Variants in NDC80 observed in about 807,000 individuals in gnomAD.
The protein encoded by NDC80 is NDC80 kinetochore complex component.
Under a neutral mutation model 89.3 loss-of-function variants are expected in NDC80, and 69 were observed. That is an observed-to-expected ratio of 0.77 (90% confidence interval 0.64 to 0.94). The LOEUF is 0.94. Ranked by LOEUF, NDC80 falls within the 40% of genes least tolerant of loss-of-function variation. NDC80 has a pLI of 0.00. For missense variants in NDC80, 593 were observed against 739.6 expected, an observed-to-expected ratio of 0.80 and a Z score of 2.30; for synonymous variants, 243 against 255.6, an observed-to-expected ratio of 0.95 and a Z score of 0.47.
At chr18:2,606,546 C>A in intron 14 of NDC80, 39 bp downstream of exon 14, 1 of 1,369,902 alleles carries the variant, frequency 7.3e-7, no homozygotes, top group Non-Finnish European at 1.0e-6. Context: ...TTATCAAAAG[C>A]TATGTCATGA....
At chr18:2,597,426 C>T (rs2072662604) in intron 11 of NDC80, among the ~76,000 whole-genome samples, 1 of 152,110 alleles carries the variant, frequency 6.6e-6, no homozygotes, top group Admixed American at 6.6e-5. Context: ...TACTATCATT[C>T]TCTAAAAGAT....
chr18:2,606,326 A>G, intron 13 of NDC80, 89 bp from the exon 14 acceptor site: 2 of 739,414 alleles, frequency 2.7e-6, no homozygotes, highest in Non-Finnish European at 4.2e-6. Context: ...TTGTTCAGTT[A>G]GTTGATTGAT....
chr18:2,585,193 G>A lies in NDC80; in HGVS notation c.660G>A (p.Met220Ile). 6.2e-7 allele frequency: 1 copy of A among 1,607,362 alleles called. No individual in the cohort carries two copies. The highest frequency in any genetic ancestry group is 8.5e-7 in the Non-Finnish European group (1 of 1,174,324). Residue 220 changes from methionine to isoleucine, a missense_variant, in exon 7 of 17, where the codon ATG becomes ATA. Physicochemically the swap from Met to Ile is conservative, Grantham distance 10. Transcript: ENST00000261597. Reference sequence around the variant, plus strand: ...GAGAAGAAACTGAAGATGGAATTATGCATAATAAGGTACCATGTATTATCA... The same window carrying A: ...GAGAAGAAACTGAAGATGGAATTATACATAATAAGGTACCATGTATTATCA... ...PWGEETEDGI[M>I]HNKLFLDYTI...
rs571310367 is a variant in NDC80, at chr18:2,602,305, A to G, written c.1464+820A>G. 3.3e-5 allele frequency among the ~76,000 whole-genome samples: 5 copies of G among 152,318 alleles called. No homozygotes were observed. In the South Asian group the frequency reaches 1.0e-3, roughly 32 times the overall value. ...ACCCACAGAAAGACATTTTTCCAAT[A>G]TTAATAAATTCTATCAAGACTTACT... is the stretch of plus-strand genomic sequence containing the variant. On this transcript the variant is annotated intron_variant, in intron 13 of 16. Coordinates refer to ENST00000261597, the MANE Select transcript of NDC80 (RefSeq NM_006101.3).
chr18:2,576,854 T>C (rs1241181031), intron 3 of NDC80, among the ~76,000 whole-genome samples: 1 of 152,228 alleles, frequency 6.6e-6, no homozygotes, highest in Non-Finnish European at 1.5e-5. Context: ...CAATAAATTA[T>C]GTTGTTGTCT....
chr18:2,573,080 C>T lies in NDC80; in HGVS notation c.95C>T (p.Pro32Leu), dbSNP rs200135694. ...QDVNKQGLYT[P>L]QTKEKPTFGK... ...GTAAATAAACAAGGCCTCTATACCC[C>T]TCAAACGTGAGTATTTCCCTTGTGG... The change falls in exon 2 of 17, where the codon CCT becomes CTT. Residue 32 changes from proline to leucine, a missense_variant. Pro to Leu is a moderately conservative substitution (Grantham distance 98). Coordinates refer to ENST00000261597, the MANE Select transcript of NDC80 (RefSeq NM_006101.3). 6.2e-7 allele frequency: 1 copy of T among 1,609,606 alleles called. No homozygotes were observed. Among genetic ancestry groups the T allele is most frequent in the Non-Finnish European group, 8.5e-7 (1 of 1,177,888 alleles).
intron 10 of NDC80, among the ~76,000 whole-genome samples, chr18:2,593,054 G>GTGTT (rs1177243033): frequency 1.2e-5 from 1 of 86,494 alleles, no homozygotes; most frequent in African/African-American, 5.2e-5. Flanking sequence ...GTGTGTGTGT[G>GTGTT]TCTTTTTTTT....
chr18:2,582,258 G>A (rs1015596355), intron 6 of NDC80: 5 of 152,072 alleles, frequency 3.3e-5, no homozygotes, highest in African/African-American at 1.2e-4. Flanking sequence ...TGTATTTTCA[G>A]TAGAGACAGC....
intron 15 of NDC80, among the ~76,000 whole-genome samples, 186 bp from the exon 16 acceptor site, chr18:2,610,573 T>G (rs760998302): frequency 6.6e-6 from 1 of 152,246 alleles, no homozygotes; most frequent in African/African-American, 2.4e-5. Flanking sequence ...AAAGGATCTT[T>G]GAAAATGTTT....
At chr18:2,609,038 G>C (rs1015105545) in intron 15 of NDC80, among the ~76,000 whole-genome samples, 50 of 151,904 alleles carry the variant, frequency 3.3e-4, no homozygotes, top group African/African-American at 1.2e-3. Flanking sequence ...TAGAGTTACT[G>C]TCCACCAAGA....
rs1015822542 is a variant in NDC80 at position 2,589,126 on chromosome 18, G to A, written c.764-78G>A. ...CAGAGACCAGAAGGAAGTGAGGGAGGGAGTAATGGTGAAAACTTGGGAAAG... is the reference window on the plus strand; with the variant it reads ...CAGAGACCAGAAGGAAGTGAGGGAGAGAGTAATGGTGAAAACTTGGGAAAG... On this transcript the variant is annotated intron_variant, in intron 8 of 16. Coordinates refer to ENST00000261597, the MANE Select transcript of NDC80 (RefSeq NM_006101.3). The A allele has an allele frequency of 8.0e-6, 7 of 872,208 alleles. 1 individual carries two copies. The Admixed American group carries it at 1.3e-4, about 16-fold the overall frequency. 54.0% of individuals were successfully genotyped at this position (872,208 alleles called of 1,614,324 possible).
rs1179070812 is a variant in NDC80 at position 2,603,351 on chromosome 18, T to TTATATATATA, written c.1464+1870_1464+1871insTATATATATA. On this transcript the variant is annotated intron_variant, in intron 13 of 16. Transcript: ENST00000261597. ...TGGAGAACAACAGAAGAGAATATGT[T>TTATATATATA]TATACATATATATATATATATATAT... Among the ~76,000 whole-genome samples the TTATATATATA allele has an allele frequency of 3.4e-3, 273 of 80,902 alleles. 11 individuals carry two copies. The highest frequency in any genetic ancestry group is 0.013 in the African/African-American group (264 of 19,904). The allele number at this position is 80,902 out of a possible 152,430, so 53.1% of individuals were successfully genotyped here.
In NDC80 at chr18:2,591,639, T is replaced by C. The variant is rs535011518; in HGVS notation, c.1015+1477T>C. On this transcript the variant is annotated intron_variant, in intron 10 of 16. Transcript: ENST00000261597. ...TTGCTCTAAACCAACTCTTTAAATA[T>C]ATTAACTACTTTACACTTGGCCCCT... Among the ~76,000 whole-genome samples, 28 of 152,148 alleles carry C rather than the reference T, an allele frequency of 1.8e-4. No individual in the cohort carries two copies. The South Asian group carries it at 4.1e-3, about 23-fold the overall frequency.
At chr18:2,590,199 C>A in intron 10 of NDC80, 37 bp downstream of exon 10, 1 of 1,525,732 alleles carries the variant, frequency 6.6e-7, no homozygotes, top group Non-Finnish European at 8.8e-7. Context: ...GGGATGCGAA[C>A]CTGTGTGGGA....
rs1278363542 is a variant in NDC80 at position 2,614,566 on chromosome 18, A to G, written c.1792-1871A>G. 6 of 2,120 alleles carry G rather than the reference A, an allele frequency of 2.8e-3. 1 individual carries two copies. The highest frequency in any genetic ancestry group is 0.036 in the South Asian group (2 of 56). 0.1% of individuals were successfully genotyped at this position (2,120 alleles called of 1,614,324 possible). A position where few individuals can be genotyped will look rare whatever the true frequency, so the allele number is the denominator to read the frequency against. ...AAGGAAGGAAGGAAGGAAGGAAGGG[A>G]AAGAAAGAAAGAAAGAAAGAAAGAA... On this transcript the variant is annotated intron_variant, in intron 16 of 16. Coordinates refer to ENST00000261597, the MANE Select transcript of NDC80 (RefSeq NM_006101.3).
intron 15 of NDC80, among the ~76,000 whole-genome samples, chr18:2,609,511 A>T (rs1008948004): frequency 2.3e-4 from 35 of 152,352 alleles, no homozygotes; most frequent in African/African-American, 7.0e-4. Flanking sequence ...TAAAAAAATT[A>T]AAAACTCCAT....
In NDC80 at chr18:2,616,453, A is replaced by T; in HGVS notation, c.1808A>T (p.Gln603Leu). 1 of 1,507,600 alleles carries T rather than the reference A, an allele frequency of 6.6e-7. No individual in the cohort carries two copies. Among genetic ancestry groups the T allele is most frequent in the African/African-American group, 1.4e-5 (1 of 70,418 alleles). The allele number at this position is 1,507,600 out of a possible 1,614,324, so 93.4% of individuals were successfully genotyped here. Reference protein sequence around the residue: ...VGSVEKHLEEQIAKVDREYEE... With the variant: ...VGSVEKHLEELIAKVDREYEE... ...CTTCACTAGAAACATCTTGAGGAGC[A>T]GATTGCTAAAGTTGATAGAGAATAT... Residue 603 changes from glutamine (Q) to leucine (L), a missense_variant, in exon 17 of 17, where the codon CAG (glutamine) becomes CTG (leucine). By Grantham distance (113) the Gln-to-Leu change is moderately radical. Coordinates refer to ENST00000261597, the MANE Select transcript of NDC80 (RefSeq NM_006101.3).
intron 3 of NDC80, 41 bp downstream of exon 3, chr18:2,575,107 T>G: frequency 7.2e-7 from 1 of 1,385,810 alleles, no homozygotes; most frequent in Non-Finnish European, 1.0e-6. Context: ...GGGATTCTTA[T>G]AGCCATACGT....
intron 11 of NDC80, 27 bp from the exon 12 acceptor site, chr18:2,598,992 C>G: frequency 6.6e-7 from 1 of 1,509,000 alleles, no homozygotes; most frequent in Non-Finnish European, 8.9e-7. Flanking sequence ...GCTGCTTTAA[C>G]ATGTCTTATG....
Sources: gnomAD v4.1 joint callset for allele counts (sites outside exome capture counted in the v4.1 genomes callset) on GRCh38, gnomAD v4.1.1 for gene constraint, MANE v1.5 for transcripts, NCBI Gene and HGNC (gene_info 2026-07-23, HGNC 2026-07-21) for gene names.